The following TNR variants were observed in gnomAD, a reference collection of about 807,000 sequenced individuals.
TNR encodes tenascin-R.
Under a neutral mutation model 150.4 loss-of-function variants are expected in TNR, and 45 were observed. The observed-to-expected ratio is 0.30, with a 90% CI of 0.24 to 0.38. The LOEUF is 0.38. TNR is among the 10% of genes least tolerant of loss of function. The pLI, the probability that TNR is intolerant of heterozygous loss-of-function variation, is 1.00. For missense variants in TNR, 1,544 were observed against 1,759.1 expected (o/e 0.88, Z 2.19); for synonymous variants, 687 against 678.4 (o/e 1.01, Z -0.20).
At chr1:175,325,461 G>A (rs575876653) in intron 21 of TNR, among the ~76,000 whole-genome samples, 33 of 152,322 alleles carry the variant, frequency 2.2e-4, no homozygotes, top group East Asian at 7.7e-4. Flanking sequence ...ACAGTGTGGC[G>A]ATTCCTCAAG....
At chr1:175,528,719 C>T (rs189589794) in intron 1 of TNR, among the ~76,000 whole-genome samples, 1 of 152,298 alleles carries the variant, frequency 6.6e-6, no homozygotes, top group Non-Finnish European at 1.5e-5. Context: ...GCTTGACACT[C>T]CCTCCAAAAG....
At chr1:175,640,958 A>C (rs1041122858) in intron 1 of TNR, among the ~76,000 whole-genome samples, 16 of 152,148 alleles carry the variant, frequency 1.1e-4, no homozygotes, top group African/African-American at 3.6e-4. Flanking sequence ...AAAAGGTAAC[A>C]ACCTAGATTG....
chr1:175,387,167 G>C (rs1249477996), intron 7 of TNR, among the ~76,000 whole-genome samples: 1 of 152,336 alleles, frequency 6.6e-6, no homozygotes, highest in East Asian at 1.9e-4. Context: ...ATAATGGGGA[G>C]GTGAGGGAAT....
chr1:175,538,283 G>T (rs911633776), intron 1 of TNR, among the ~76,000 whole-genome samples: 8 of 152,182 alleles, frequency 5.3e-5, no homozygotes, highest in Middle Eastern at 3.4e-3. Flanking sequence ...CTGTCTTTTC[G>T]GCTACAATGG....
intron 1 of TNR, among the ~76,000 whole-genome samples, chr1:175,653,102 A>G (rs984211410): frequency 6.6e-6 from 1 of 152,248 alleles, no homozygotes; most frequent in African/African-American, 2.4e-5. Context: ...ACTCTGGAGA[A>G]CAACTGCATT....
chr1:175,605,452 C>G lies in TNR; in HGVS notation c.-164-77083G>C, dbSNP rs1284182682. Among the ~76,000 whole-genome samples the G allele has an allele frequency of 3.9e-5, 6 of 152,160 alleles. No homozygotes were observed. The East Asian group carries it at 1.2e-3, about 29-fold the overall frequency. Reference sequence around the variant, plus strand: ...ATATATAATGAGCACCTATCATGTACTAGACATTGTACTAAGCCTGGCATA... The same window carrying G: ...ATATATAATGAGCACCTATCATGTAGTAGACATTGTACTAAGCCTGGCATA... On this transcript the variant is annotated intron_variant, in intron 1 of 22. Transcript: ENST00000367674.
chr1:175,461,188 C>A (rs970235721), intron 2 of TNR, among the ~76,000 whole-genome samples: 4 of 152,238 alleles, frequency 2.6e-5, no homozygotes, highest in African/African-American at 9.6e-5. Context: ...CTGCAGGGGT[C>A]TGCATTTCTG....
intron 1 of TNR, among the ~76,000 whole-genome samples, chr1:175,700,439 T>C (rs1280165648): frequency 6.6e-6 from 1 of 152,218 alleles, no homozygotes; most frequent in Non-Finnish European, 1.5e-5. Flanking sequence ...TTTAGCCCTT[T>C]GCTAAGATCT....
chr1:175,442,200 G>A (rs1201086520), intron 2 of TNR, among the ~76,000 whole-genome samples: 1 of 152,028 alleles, frequency 6.6e-6, no homozygotes, highest in Non-Finnish European at 1.5e-5. Flanking sequence ...TTTTCACTTG[G>A]CTTTTGCACC....
Position 175,379,689 on chromosome 1 carries a change from C to T in TNR, c.1826G>A (p.Ser609Asn), listed in dbSNP as rs1207866368. 6.2e-7 allele frequency: 1 copy of T among 1,614,100 alleles called. No individual in the cohort carries two copies. The highest frequency in any genetic ancestry group is 1.3e-5 in the African/African-American group (1 of 74,938). ...ACTGTTATCCCACTCGAGGTCAAGG[C>T]TGGTTGCTGTGCGAGAACCAACTCG... ...NLRVGSRTAT[S>N]LDLEWDNSEA... The change falls in exon 9 of 23, where the codon AGC (serine) becomes AAC (asparagine). Residue 609 changes from serine to asparagine, a missense_variant. Physicochemically the swap from Ser to Asn is conservative, Grantham distance 46. Transcript: ENST00000367674.
intron 1 of TNR, among the ~76,000 whole-genome samples, chr1:175,541,316 C>T (rs1404264462): frequency 1.3e-5 from 2 of 152,234 alleles, no homozygotes; most frequent in Non-Finnish European, 2.9e-5. Flanking sequence ...AGCAGGAAGG[C>T]TTAGGGCTCC....
At chr1:175,397,474 T>C (rs1201383449) in intron 4 of TNR, among the ~76,000 whole-genome samples, 2 of 152,222 alleles carry the variant, frequency 1.3e-5, no homozygotes, top group African/African-American at 4.8e-5. Flanking sequence ...TAATAAGTTA[T>C]CGTCATCAGA....
chr1:175,473,577 T>A (rs138495085), intron 2 of TNR, among the ~76,000 whole-genome samples: 202 of 152,298 alleles, frequency 1.3e-3, no homozygotes, highest in African/African-American at 4.7e-3. Context: ...GCCGGTGAAG[T>A]GGGCAGAGAA....
intron 1 of TNR, among the ~76,000 whole-genome samples, chr1:175,614,301 G>A (rs896675128): frequency 2.0e-5 from 3 of 152,192 alleles, no homozygotes; most frequent in Non-Finnish European, 2.9e-5. Context: ...AGGCTGAGCT[G>A]ATATTGACAC....
At chr1:175,585,429 C>T (rs370641240) in intron 1 of TNR, among the ~76,000 whole-genome samples, 3 of 152,142 alleles carry the variant, frequency 2.0e-5, no homozygotes, top group East Asian at 3.9e-4. Context: ...AAAACATTAT[C>T]TTGTTAATTC....
At chr1:175,700,797 C>T (rs1311682070) in intron 1 of TNR, among the ~76,000 whole-genome samples, 1 of 152,222 alleles carries the variant, frequency 6.6e-6, no homozygotes, top group Non-Finnish European at 1.5e-5. Context: ...AGGCTATTTT[C>T]TTCCATCCAT....
chr1:175,403,206 G>T lies in TNR; in HGVS notation c.910C>A (p.Arg304=). ...QRQCLNACSG[R]GQCEEGLCVC... is the part of the protein sequence containing the mutation. ...CAGAGCCCCTCCTCACATTGTCCTC[G>T]CCCACTGCAGGCATTCAGACACTGC... is the stretch of plus-strand genomic sequence containing the variant. Residue 304 remains arginine, a synonymous_variant, in exon 4 of 23, where the codon CGA becomes AGA. Coordinates refer to ENST00000367674, the MANE Select transcript of TNR (RefSeq NM_003285.3). 1 of 1,613,886 alleles carries T rather than the reference G, an allele frequency of 6.2e-7. No homozygotes were observed. Among genetic ancestry groups the T allele is most frequent in the Admixed American group, 1.7e-5 (1 of 59,992 alleles).
Position 175,363,726 on chromosome 1 carries a change from A to G in TNR, c.2689T>C (p.Ser897Pro). 1 of 1,613,764 alleles carries G rather than the reference A, an allele frequency of 6.2e-7. No individual in the cohort carries two copies. The highest frequency in any genetic ancestry group is 8.5e-7 in the Non-Finnish European group (1 of 1,179,808). ...TTGTTACCTTGGGTGGGTCGATATG[A>G]TACTCGGTAGTAATCGAAAGATGCA... is the stretch of plus-strand genomic sequence containing the variant. ...PVASFDYYRV[S>P]YRPTQVGRLD... is the part of the protein sequence containing the mutation. The change falls in exon 13 of 23, where the codon TCA (serine) becomes CCA (proline). Residue 897 changes from serine (S) to proline (P), a missense_variant. Transcript: ENST00000367674.
intron 2 of TNR, among the ~76,000 whole-genome samples, chr1:175,487,526 C>T (rs1184962774): frequency 1.3e-5 from 2 of 152,184 alleles, no homozygotes; most frequent in African/African-American, 4.8e-5. Context: ...ATGTGGCTAC[C>T]ATGGTTTTCT....
Sources: allele counts gnomAD v4.1 joint callset (sites outside exome capture counted in the v4.1 genomes callset), GRCh38; gene constraint gnomAD v4.1.1; transcripts MANE v1.5; gene names NCBI Gene and HGNC (gene_info 2026-07-23, HGNC 2026-07-21).